Variants in NT5DC1 observed in about 807,000 individuals in gnomAD.
The protein encoded by NT5DC1 is 5'-nucleotidase domain-containing protein 1.
A neutral mutation model predicts 59.4 loss-of-function variants in NT5DC1; 42 were observed. The observed-to-expected ratio is 0.71, with a 90% CI of 0.55 to 0.92. The LOEUF is 0.92. Ranked by LOEUF, NT5DC1 falls within the 40% of genes least tolerant of loss-of-function variation. NT5DC1 has a pLI of 0.00. For missense variants in NT5DC1, 501 were observed against 537.1 expected (o/e 0.93, Z 0.66); for synonymous variants, 172 against 188.1 (o/e 0.91, Z 0.70).
intron 6 of NT5DC1, among the ~76,000 whole-genome samples, chr6:116,150,016 G>A (rs1779997584): frequency 6.6e-6 from 1 of 152,154 alleles, no homozygotes; most frequent in Non-Finnish European, 1.5e-5. Context: ...CCAAAGTACT[G>A]TTGAGGAGCT....
At chr6:116,107,246 T>C (rs1778784094) in intron 2 of NT5DC1, among the ~76,000 whole-genome samples, 1 of 147,708 alleles carries the variant, frequency 6.8e-6, no homozygotes, top group Non-Finnish European at 1.5e-5. Context: ...GTATGCATTC[T>C]TTTGATATTT....
intron 6 of NT5DC1, among the ~76,000 whole-genome samples, chr6:116,206,002 A>G (rs1036759718): frequency 2.0e-5 from 3 of 152,006 alleles, no homozygotes; most frequent in Non-Finnish European, 2.9e-5. Flanking sequence ...GAATGATCTA[A>G]TAGACCATTG....
intron 6 of NT5DC1, among the ~76,000 whole-genome samples, chr6:116,188,809 A>T (rs1781058596): frequency 6.6e-6 from 1 of 151,384 alleles, no homozygotes; most frequent in South Asian, 2.1e-4. Context: ...TGTATGTTTT[A>T]TAATTTTTAA....
In NT5DC1 at chr6:116,244,740, TA is replaced by T. The variant is rs930744669; in HGVS notation, c.*721del. Reference sequence around the variant, plus strand: ...TCCTGTGTTCTCCAAAACAAGAAAATAAAAAGACATGACTTATTCTCTGTTC... The same window carrying T: ...TCCTGTGTTCTCCAAAACAAGAAAATAAAAGACATGACTTATTCTCTGTTC... On this transcript the variant is annotated 3_prime_UTR_variant, in exon 12 of 12. Transcript: ENST00000319550. 1 of 152,066 alleles carries T rather than the reference TA, an allele frequency of 6.6e-6. No individual in the cohort carries two copies. Among genetic ancestry groups the T allele is most frequent in the Non-Finnish European group, 1.5e-5 (1 of 67,974 alleles). 9.4% of individuals were successfully genotyped at this position (152,066 alleles called of 1,614,324 possible). A position where few individuals can be genotyped will look rare whatever the true frequency, so the allele number is the denominator to read the frequency against.
intron 6 of NT5DC1, among the ~76,000 whole-genome samples, chr6:116,182,222 A>AGAGTGTGTGTGTGTGTGT (rs148509481): frequency 1.5e-3 from 193 of 124,676 alleles, no homozygotes; most frequent in South Asian, 2.8e-3. Flanking sequence ...TTCCATGGAG[A>AGAGTGTGTGTGTGTGTGT]GTGTGTGTGT....
chr6:116,210,350 T>G (rs964771992), intron 6 of NT5DC1, among the ~76,000 whole-genome samples: 2 of 150,470 alleles, frequency 1.3e-5, no homozygotes, highest in African/African-American at 4.9e-5. Context: ...CCCTGAAATG[T>G]AATAATGTAC....
chr6:116,176,173 C>T (rs999091790), intron 6 of NT5DC1, among the ~76,000 whole-genome samples: 1 of 152,148 alleles, frequency 6.6e-6, no homozygotes, highest in Non-Finnish European at 1.5e-5. Flanking sequence ...TCAAATTCTT[C>T]TAGTGCTAGA....
chr6:116,131,295 G>A (rs1779457037), intron 6 of NT5DC1, among the ~76,000 whole-genome samples: 1 of 151,960 alleles, frequency 6.6e-6, no homozygotes, highest in East Asian at 1.9e-4. Context: ...TTCAGAGAAG[G>A]GTAGCCTCTG....
At chr6:116,125,797 T>G (rs112408044) in intron 6 of NT5DC1, 6 of 256,846 alleles carry the variant, frequency 2.3e-5, no homozygotes, top group African/African-American at 6.9e-5. Flanking sequence ...TCTAGGATCT[T>G]TGACATAGCC....
intron 6 of NT5DC1, among the ~76,000 whole-genome samples, chr6:116,186,513 T>C (rs1287925548): frequency 6.6e-6 from 1 of 151,908 alleles, no homozygotes; most frequent in Non-Finnish European, 1.5e-5. Flanking sequence ...GGAACACCAG[T>C]TGTTCTTAGG....
chr6:116,206,480 C>A (rs1277910019), intron 6 of NT5DC1, among the ~76,000 whole-genome samples: 1 of 151,938 alleles, frequency 6.6e-6, no homozygotes, highest in African/African-American at 2.4e-5. Flanking sequence ...TGGGTCCATA[C>A]CACCCAGGAA....
At chr6:116,241,613 G>A (rs1771715265) in intron 11 of NT5DC1, among the ~76,000 whole-genome samples, 1 of 152,160 alleles carries the variant, frequency 6.6e-6, no homozygotes. Context: ...AAACAAAGGA[G>A]ATGAGAGAAT....
At chr6:116,211,952 A>G (rs1329996642) in intron 6 of NT5DC1, among the ~76,000 whole-genome samples, 1 of 152,010 alleles carries the variant, frequency 6.6e-6, no homozygotes, top group Non-Finnish European at 1.5e-5. Flanking sequence ...TCATTCACGC[A>G]GTGAGGCCTG....
At chr6:116,166,412 A>G (rs1780468036) in intron 6 of NT5DC1, among the ~76,000 whole-genome samples, 1 of 152,238 alleles carries the variant, frequency 6.6e-6, no homozygotes, top group Non-Finnish European at 1.5e-5. Flanking sequence ...AAAGGAATGG[A>G]TCAACCAATC....
intron 6 of NT5DC1, among the ~76,000 whole-genome samples, chr6:116,135,841 A>ATATATG (rs1329449611): frequency 9.5e-5 from 7 of 73,744 alleles, no homozygotes; most frequent in South Asian, 7.9e-4. Context: ...TCAGATATAT[A>ATATATG]TATATATATA....
intron 6 of NT5DC1, among the ~76,000 whole-genome samples, chr6:116,200,950 GTCTGAAAGGT>G (rs1488718101): frequency 6.6e-6 from 1 of 151,898 alleles, no homozygotes; most frequent in East Asian, 1.9e-4. Context: ...TCTAACCAAG[GTCTGAAAGGT>G]TCTCTGTTTA....
chr6:116,153,275 T>C (rs1447796160), intron 6 of NT5DC1, among the ~76,000 whole-genome samples: 1 of 152,084 alleles, frequency 6.6e-6, no homozygotes, highest in Non-Finnish European at 1.5e-5. Context: ...ATAAGACACA[T>C]AAAAGATCAG....
chr6:116,242,783 G>T (rs1053053902), intron 11 of NT5DC1, among the ~76,000 whole-genome samples: 1 of 152,258 alleles, frequency 6.6e-6, no homozygotes, highest in African/African-American at 2.4e-5. Flanking sequence ...TCAGCATTTG[G>T]CAAAGGGTTT....
At chr6:116,116,858 A>T (rs888262185) in intron 5 of NT5DC1, among the ~76,000 whole-genome samples, 1 of 152,166 alleles carries the variant, frequency 6.6e-6, no homozygotes, top group African/African-American at 2.4e-5. Context: ...GAGTTTGTAT[A>T]ATTAGATATA....
Sources: allele counts gnomAD v4.1 joint callset (sites outside exome capture counted in the v4.1 genomes callset), GRCh38; gene constraint gnomAD v4.1.1; transcripts MANE v1.5; gene names NCBI Gene and HGNC (gene_info 2026-07-23, HGNC 2026-07-21).